SDK1: variants seen among roughly 807,000 people sequenced by gnomAD.
SDK1 encodes the protein sidekick cell adhesion molecule 1, also known as protein sidekick-1.
Under a neutral mutation model 245.5 loss-of-function variants are expected in SDK1, and 157 were observed. That is an observed-to-expected ratio of 0.64 (90% CI 0.56 to 0.73). The LOEUF (loss-of-function observed/expected upper bound fraction) is 0.73. SDK1 is among the 30% of genes least tolerant of loss of function. The pLI, the probability that SDK1 is intolerant of heterozygous loss-of-function variation, is 0.00. For synonymous variants in SDK1, 1,647 were observed against 1,278.5 expected, an observed-to-expected ratio of 1.29 and a Z score of -6.15; for missense variants, 3,583 against 3,002.3, an observed-to-expected ratio of 1.19 and a Z score of -4.52.
chr7:3,928,925 C>T (rs923501117), intron 5 of SDK1, among the ~76,000 whole-genome samples: 7 of 152,344 alleles, frequency 4.6e-5, no homozygotes, highest in Non-Finnish European at 8.8e-5. Flanking sequence ...TTCTGTCACT[C>T]GGCTGAACTG....
intron 4 of SDK1, among the ~76,000 whole-genome samples, chr7:3,689,202 G>A (rs528826215): frequency 6.6e-6 from 1 of 152,222 alleles, no homozygotes; most frequent in African/African-American, 2.4e-5. Context: ...TCCTAAGAAC[G>A]TTATGATAAC....
intron 14 of SDK1, among the ~76,000 whole-genome samples, chr7:4,007,667 C>T (rs1020498521): frequency 3.3e-5 from 5 of 152,072 alleles, no homozygotes; most frequent in African/African-American, 9.7e-5. Flanking sequence ...TCCAGTGGCG[C>T]GGTCTCGACT....
At chr7:3,678,994 A>G (rs1478366782) in intron 4 of SDK1, among the ~76,000 whole-genome samples, 4 of 152,244 alleles carry the variant, frequency 2.6e-5, no homozygotes, top group Admixed American at 6.5e-5. Flanking sequence ...GTAAGGTTAT[A>G]AAACTTTTTG....
intron 4 of SDK1, among the ~76,000 whole-genome samples, chr7:3,790,915 A>G (rs1009160654): frequency 3.3e-5 from 5 of 152,108 alleles, no homozygotes; most frequent in African/African-American, 1.2e-4. Context: ...AAGTGTGTAG[A>G]AATTAACTTG....
At position 4,110,684 on chromosome 7, in the gene SDK1, G is replaced by T; in HGVS notation, c.3346G>T (p.Glu1116Ter). Residue 1116 changes from glutamate to a stop codon, truncating the protein, a stop_gained, in exon 23 of 45, where the codon GAG becomes TAG. Coordinates refer to ENST00000404826, the MANE Select transcript of SDK1 (RefSeq NM_152744.4). LOFTEE classifies it high-confidence loss of function. ...ACAGGTGGGAGCTATCGGCGACGAG[G>T]AGGAGTGGGTCACCCTCTATGAAGA... ...EGQVGAIGDE[E>*]EWVTLYEEEN... 6.2e-7 allele frequency: 1 copy of T among 1,613,784 alleles called. No homozygotes were observed. The highest frequency in any genetic ancestry group is 8.5e-7 in the Non-Finnish European group (1 of 1,179,820).
At chr7:3,508,958 G>A (rs1376652031) in intron 1 of SDK1, among the ~76,000 whole-genome samples, 3 of 152,176 alleles carry the variant, frequency 2.0e-5, no homozygotes. Context: ...AAACATATCT[G>A]CACTGTTTTA....
intron 1 of SDK1, among the ~76,000 whole-genome samples, chr7:3,452,471 A>G (rs779363336): frequency 6.6e-6 from 1 of 152,226 alleles, no homozygotes; most frequent in Admixed American, 6.5e-5. Context: ...AGGTAACCTT[A>G]TAATTAGTAT....
intron 31 of SDK1, 69 bp downstream of exon 31, chr7:4,158,620 C>A: frequency 8.4e-7 from 1 of 1,186,280 alleles, no homozygotes; most frequent in Non-Finnish European, 1.2e-6. Flanking sequence ...TTAGGCCACA[C>A]TTTCGTCTTG....
intron 14 of SDK1, among the ~76,000 whole-genome samples, chr7:3,989,872 T>G (rs1784165005): frequency 6.6e-6 from 1 of 152,222 alleles, no homozygotes. Flanking sequence ...TAATCCCCAT[T>G]TCATAGCTAC....
At chr7:3,821,648 C>G in intron 5 of SDK1, 65 bp downstream of exon 5, 1 of 1,541,916 alleles carries the variant, frequency 6.5e-7, no homozygotes, top group East Asian at 2.3e-5. Context: ...TCAGTAACCA[C>G]TGTCTGACAG....
chr7:3,577,601 C>G (rs999270077), intron 1 of SDK1, among the ~76,000 whole-genome samples: 1 of 152,068 alleles, frequency 6.6e-6, no homozygotes, highest in South Asian at 2.1e-4. Flanking sequence ...ATGGAACTCA[C>G]TTTTGCTTCT....
chr7:3,339,429 A>G (rs1234020924), intron 1 of SDK1, among the ~76,000 whole-genome samples: 2 of 152,184 alleles, frequency 1.3e-5, no homozygotes, highest in South Asian at 2.1e-4. Flanking sequence ...GACTTACACA[A>G]TTGACCAACA....
chr7:3,413,198 C>G (rs57789855), intron 1 of SDK1, among the ~76,000 whole-genome samples: 2 of 152,002 alleles, frequency 1.3e-5, no homozygotes, highest in Non-Finnish European at 2.9e-5. Context: ...ACAACAACTG[C>G]GAAGATCTTG....
intron 44 of SDK1, among the ~76,000 whole-genome samples, chr7:4,261,134 G>A (rs2128243759): frequency 6.6e-6 from 1 of 152,140 alleles, no homozygotes; most frequent in East Asian, 1.9e-4. Context: ...CGCCTCCATG[G>A]GGTTTCTGCA....
At chr7:3,716,621 C>T (rs909118670) in intron 4 of SDK1, among the ~76,000 whole-genome samples, 3 of 151,734 alleles carry the variant, frequency 2.0e-5, no homozygotes, top group Admixed American at 6.6e-5. Context: ...ATTAGCCAGG[C>T]GTGGTGCACA....
At chr7:3,564,674 G>C (rs1779852408) in intron 1 of SDK1, among the ~76,000 whole-genome samples, 2 of 151,972 alleles carry the variant, frequency 1.3e-5, no homozygotes, top group South Asian at 4.1e-4. Context: ...AAGAAATACA[G>C]AACATGATTT....
chr7:3,697,991 A>G (rs191874024), intron 4 of SDK1, among the ~76,000 whole-genome samples: 1 of 152,230 alleles, frequency 6.6e-6, no homozygotes, highest in African/African-American at 2.4e-5. Flanking sequence ...AGACCTGATG[A>G]ATGGCACAGT....
chr7:4,247,121 C>T (rs1452323674), intron 44 of SDK1, among the ~76,000 whole-genome samples: 1 of 152,210 alleles, frequency 6.6e-6, no homozygotes, highest in Non-Finnish European at 1.5e-5. Flanking sequence ...CCTGCCCCGC[C>T]TCCTGGCACT....
rs146462931 is a variant in SDK1, at chr7:4,246,777, G to A, written c.6381+972G>A. ...TCCCCGAGGGAGTGTCAGCCTCCAC[G>A]CGCTCCCTCCAGGACCCCAGGGCCT... On this transcript the variant is annotated intron_variant, in intron 44 of 44. Transcript: ENST00000404826. 2.9e-3 allele frequency among the ~76,000 whole-genome samples: 448 copies of A among 152,206 alleles called. 3 individuals carry two copies. Among genetic ancestry groups the A allele is most frequent in the African/African-American group, 0.01 (418 of 41,542 alleles).
Sources: allele counts gnomAD v4.1 joint callset (sites outside exome capture counted in the v4.1 genomes callset), GRCh38; gene constraint gnomAD v4.1.1; transcripts MANE v1.5; gene names NCBI Gene and HGNC (gene_info 2026-07-23, HGNC 2026-07-21).